The following DOCK10 variants were observed in gnomAD, a reference collection of about 807,000 sequenced individuals.
DOCK10 encodes the protein dedicator of cytokinesis 10, also known as dedicator of cytokinesis protein 10.
A neutral mutation model predicts 280.1 loss-of-function variants in DOCK10; 145 were observed. That is an observed-to-expected ratio of 0.52 (90% confidence interval 0.45 to 0.59). The LOEUF (loss-of-function observed/expected upper bound fraction) is 0.59, where lower values mean the gene tolerates loss of function less well. Among genes scored for constraint, DOCK10 ranks in the 20% least tolerant of loss-of-function variants. The pLI is 0.00. For missense variants in DOCK10, 2,368 were observed against 2,651.7 expected (o/e 0.89, Z 2.35); for synonymous variants, 915 against 942.2 (o/e 0.97, Z 0.53).
intron 1 of DOCK10, among the ~76,000 whole-genome samples, chr2:224,956,601 G>T (rs980054023): frequency 7.0e-6 from 1 of 142,244 alleles, no homozygotes; most frequent in Non-Finnish European, 1.5e-5. Context: ...TCCAGCCTGG[G>T]CAACAGGGCG....
chr2:224,870,223 T>G (rs182051694), intron 11 of DOCK10, among the ~76,000 whole-genome samples: 225 of 152,294 alleles, frequency 1.5e-3, no homozygotes, highest in African/African-American at 5.1e-3. Context: ...AAGGACATGT[T>G]TGATTCCCCT....
At chr2:224,958,333 A>G (rs1034493) in intron 1 of DOCK10, among the ~76,000 whole-genome samples, 3,381 of 152,180 alleles carry the variant, frequency 0.022, 135 homozygotes, top group African/African-American at 0.077. Context: ...AGCTCCGGGC[A>G]CAAAAAGGGC....
At position 224,829,012 on chromosome 2, in the gene DOCK10, A is replaced by G. The variant is rs149456315; in HGVS notation, c.3036+1529T>C. On this transcript the variant is annotated intron_variant, in intron 27 of 55. Coordinates refer to ENST00000258390, the MANE Select transcript of DOCK10 (RefSeq NM_014689.3). ...AAGAGGTGATGGGGTCCCTAAAGGA[A>G]AGCCCCCACTGCAACAATGCAGTAG... Among the ~76,000 whole-genome samples the G allele has an allele frequency of 6.0e-3, 916 of 152,294 alleles. 5 individuals are homozygous for G. The highest frequency in any genetic ancestry group is 0.01 in the Non-Finnish European group (684 of 68,020).
At chr2:224,880,472 ATTG>A (rs1268298200) in intron 7 of DOCK10, among the ~76,000 whole-genome samples, 4 of 152,192 alleles carry the variant, frequency 2.6e-5, no homozygotes, top group East Asian at 1.9e-4. Flanking sequence ...TTGAAGTATG[ATTG>A]TTAAGTCATT....
At chr2:224,766,824 C>G (rs1234446971) in intron 55 of DOCK10, among the ~76,000 whole-genome samples, 1 of 152,178 alleles carries the variant, frequency 6.6e-6, no homozygotes, top group Non-Finnish European at 1.5e-5. Flanking sequence ...TTATTATAAA[C>G]AGTATGGAAT....
chr2:224,845,896 G>C (rs1242870668), intron 19 of DOCK10, among the ~76,000 whole-genome samples: 2 of 152,070 alleles, frequency 1.3e-5, no homozygotes, highest in East Asian at 3.9e-4. Context: ...GCTAATTTTT[G>C]TATTTTTAGT....
chr2:224,772,403 G>A (rs1194429772), intron 53 of DOCK10, among the ~76,000 whole-genome samples: 2 of 152,106 alleles, frequency 1.3e-5, no homozygotes. Flanking sequence ...CCCAAGGTGA[G>A]TGCCTTACTC....
chr2:224,893,170 G>A (rs1234906338), intron 4 of DOCK10, among the ~76,000 whole-genome samples: 8 of 152,082 alleles, frequency 5.3e-5, no homozygotes, highest in Admixed American at 5.2e-4. Context: ...GTAAGTTTTG[G>A]GGTAAATTCC....
chr2:224,920,678 A>G (rs143021597), intron 2 of DOCK10, among the ~76,000 whole-genome samples: 1,576 of 152,014 alleles, frequency 0.01, 31 homozygotes, highest in African/African-American at 0.036. Context: ...AAAAAATTCT[A>G]TATTATGGCC....
At chr2:224,923,706 G>A (rs1052174087) in intron 2 of DOCK10, among the ~76,000 whole-genome samples, 4 of 152,206 alleles carry the variant, frequency 2.6e-5, no homozygotes, top group African/African-American at 9.6e-5. Context: ...CCTCATTCCT[G>A]CACAGGGCCT....
intron 1 of DOCK10, among the ~76,000 whole-genome samples, chr2:225,011,744 C>A (rs1339373910): frequency 6.6e-6 from 1 of 152,106 alleles, no homozygotes; most frequent in Admixed American, 6.5e-5. Flanking sequence ...AGGGAGGCCA[C>A]GTCAATATGC....
chr2:224,973,891 C>T (rs1406814441), intron 1 of DOCK10, among the ~76,000 whole-genome samples: 1 of 152,174 alleles, frequency 6.6e-6, no homozygotes, highest in Non-Finnish European at 1.5e-5. Context: ...TAAATCAGGG[C>T]TGGCATGTGG....
At chr2:224,975,503 G>T (rs566194440) in intron 1 of DOCK10, among the ~76,000 whole-genome samples, 1 of 152,152 alleles carries the variant, frequency 6.6e-6, no homozygotes, top group Non-Finnish European at 1.5e-5. Context: ...TCTGGAAATT[G>T]TTTCTTCTTC....
intron 2 of DOCK10, among the ~76,000 whole-genome samples, chr2:224,918,972 GGT>G (rs1202159071): frequency 6.9e-6 from 1 of 144,636 alleles, no homozygotes; most frequent in Non-Finnish European, 1.5e-5. Context: ...GTGTATGTGT[GGT>G]GTGTGTGTTT....
chr2:225,010,755 T>C (rs190466121), intron 1 of DOCK10, among the ~76,000 whole-genome samples: 1 of 152,102 alleles, frequency 6.6e-6, no homozygotes, highest in East Asian at 1.9e-4. Flanking sequence ...CAAATCAAAA[T>C]TTTTTTTCAA....
At chr2:224,895,379 T>G (rs1699921123) in intron 4 of DOCK10, among the ~76,000 whole-genome samples, 1 of 152,236 alleles carries the variant, frequency 6.6e-6, no homozygotes, top group Non-Finnish European at 1.5e-5. Context: ...ACTTAACTTT[T>G]GATTGTTTCA....
intron 1 of DOCK10, among the ~76,000 whole-genome samples, chr2:225,011,263 A>G (rs1689426733): frequency 6.6e-6 from 1 of 152,224 alleles, no homozygotes; most frequent in Admixed American, 6.5e-5. Context: ...TCAGGTAGGT[A>G]GATAAGTCAC....
rs770548877 is a variant in DOCK10 at position 224,886,181 on chromosome 2, G to T, written c.494C>A (p.Thr165Asn). The change falls in exon 6 of 56, where the codon ACC (threonine) becomes AAC (asparagine). Residue 165 changes from threonine to asparagine, a missense_variant. Thr to Asn is a moderately conservative substitution (Grantham distance 65, BLOSUM62 0). This residue lies in a region of DOCK10 where 1,209 missense variants were observed against 1,250.9 expected (regional missense o/e 0.97). Coordinates refer to ENST00000258390, the MANE Select transcript of DOCK10 (RefSeq NM_014689.3). ...CCCCTTGGAAGACGAGTGGGAAGTGGTATCCTGTAGGAAAGGCATAGTAGC... is the reference window on the plus strand; with the variant it reads ...CCCCTTGGAAGACGAGTGGGAAGTGTTATCCTGTAGGAAAGGCATAGTAGC... ...DHEDADKDED[T>N]TSHSSSKGGG... The T allele has an allele frequency of 6.2e-7, 1 of 1,613,796 alleles. No individual in the cohort carries two copies.
In DOCK10 at chr2:224,876,001, T is replaced by C. The variant is rs773388122; in HGVS notation, c.931+37A>G. On this transcript the variant is annotated intron_variant, in intron 8 of 55. Coordinates refer to ENST00000258390, the MANE Select transcript of DOCK10 (RefSeq NM_014689.3). ...AGTGAACCAAAAACACAGGTCACAC[T>C]GGACAAAGGAAGGAAGACGGCTTCA... is the stretch of plus-strand genomic sequence containing the variant. 1.9e-6 allele frequency: 3 copies of C among 1,593,826 alleles called. No individual in the cohort carries two copies. In the African/African-American group the frequency reaches 4.0e-5, roughly 22 times the overall value.
Sources: allele counts gnomAD v4.1 joint callset (sites outside exome capture counted in the v4.1 genomes callset), GRCh38; gene constraint gnomAD v4.1.1; regional missense constraint gnomAD v4.1.1; transcripts MANE v1.5; gene names NCBI Gene and HGNC (gene_info 2026-07-23, HGNC 2026-07-21).